PRDM16: variants seen among roughly 807,000 people sequenced by gnomAD.
The protein encoded by PRDM16 is histone-lysine N-methyltransferase PRDM16.
In PRDM16, 23 loss-of-function variants were observed where a neutral mutation model predicts 110.6. The observed-to-expected ratio is 0.21, with a 90% CI of 0.15 to 0.29. The LOEUF is 0.29. PRDM16 is among the 10% of genes least tolerant of loss of function. PRDM16 has a pLI of 1.00. For missense variants in PRDM16, 1,615 were observed against 1,794.3 expected, an observed-to-expected ratio of 0.90 and a Z score of 1.81; for synonymous variants, 799 against 781.8, an observed-to-expected ratio of 1.02 and a Z score of -0.37.
intron 3 of PRDM16, among the ~76,000 whole-genome samples, chr1:3,346,336 T>G (rs1046029099): frequency 3.9e-5 from 6 of 152,006 alleles, no homozygotes; most frequent in African/African-American, 1.2e-4. Flanking sequence ...GGGCTTCCAG[T>G]GGAGGAGCCT....
intron 12 of PRDM16, among the ~76,000 whole-genome samples, chr1:3,423,847 A>G (rs781750337): frequency 6.6e-6 from 1 of 152,256 alleles, no homozygotes; most frequent in Non-Finnish European, 1.5e-5. Flanking sequence ...TGCCATGGGC[A>G]TCATGGAGCT....
In PRDM16 at chr1:3,433,845, G is replaced by A. The variant is rs3748837; in HGVS notation, c.*34G>A. On this transcript the variant is annotated 3_prime_UTR_variant, in exon 17 of 17. Coordinates refer to ENST00000270722, the MANE Select transcript of PRDM16 (RefSeq NM_022114.4). ...GCAGCCGGGGGCCGGTGGCCAGAGC[G>A]AGGGCACCAGCCACGAAGGACGGAG... is the stretch of plus-strand genomic sequence containing the variant. The A allele has an allele frequency of 0.038, 61,402 of 1,607,052 alleles. 3,306 individuals carry two copies. Among genetic ancestry groups the A allele is most frequent in the East Asian group, 0.3 (13,243 of 44,782 alleles).
chr1:3,375,147 C>T (rs888162590), intron 3 of PRDM16, among the ~76,000 whole-genome samples: 9 of 152,180 alleles, frequency 5.9e-5, no homozygotes, highest in Non-Finnish European at 1.2e-4. Context: ...CACACTGTCA[C>T]GATGAGGATG....
At chr1:3,113,929 AT>A (rs903991328) in intron 1 of PRDM16, among the ~76,000 whole-genome samples, 1 of 152,132 alleles carries the variant, frequency 6.6e-6, no homozygotes, top group Non-Finnish European at 1.5e-5. Flanking sequence ...TTGAGGGAGA[AT>A]TTTTTTCTTT....
rs925543950 is a variant in PRDM16 at position 3,121,935 on chromosome 1, G to A, written c.37+52639G>A. On this transcript the variant is annotated intron_variant, in intron 1 of 16. Transcript: ENST00000270722. The stretch of plus-strand genomic sequence containing the variant: ...ATCTTGAAAAAGGAAAGCAAATCCC[G>A]CTCTAATCTCCCCGAACAAAGGCCT... Among the ~76,000 whole-genome samples the A allele has an allele frequency of 8.5e-5, 13 of 152,338 alleles. No homozygotes were observed. The East Asian group carries it at 2.1e-3, about 25-fold the overall frequency.
intron 1 of PRDM16, among the ~76,000 whole-genome samples, chr1:3,147,895 G>T (rs1569689454): frequency 1.3e-5 from 2 of 152,278 alleles, no homozygotes; most frequent in African/African-American, 4.8e-5. Context: ...AGAGCAGAGG[G>T]GTTCAGATGC....
intron 3 of PRDM16, among the ~76,000 whole-genome samples, chr1:3,253,307 A>T (rs565397568): frequency 1.6e-4 from 24 of 151,130 alleles, no homozygotes; most frequent in African/African-American, 5.3e-4. Flanking sequence ...GCTGTACCCA[A>T]TAACTCGTCA....
chr1:3,282,797 A>G (rs902340462), intron 3 of PRDM16, among the ~76,000 whole-genome samples: 1 of 152,126 alleles, frequency 6.6e-6, no homozygotes, highest in African/African-American at 2.4e-5. Context: ...CGAACGTGGG[A>G]CACAGGAGGC....
chr1:3,418,028 C>A (rs1223170633), intron 11 of PRDM16, 31 bp downstream of exon 11: 3 of 1,585,926 alleles, frequency 1.9e-6, no homozygotes, highest in South Asian at 2.3e-5. Flanking sequence ...GCTGGGACAG[C>A]CCTGGCGGGG....
At chr1:3,261,633 C>T (rs987248679) in intron 3 of PRDM16, among the ~76,000 whole-genome samples, 10 of 152,162 alleles carry the variant, frequency 6.6e-5, no homozygotes, top group Admixed American at 2.6e-4. Context: ...CACCAGCCCA[C>T]GCACACACCA....
At chr1:3,196,038 C>A (rs1226057901) in intron 2 of PRDM16, among the ~76,000 whole-genome samples, 4 of 152,218 alleles carry the variant, frequency 2.6e-5, no homozygotes, top group African/African-American at 7.2e-5. Flanking sequence ...GAATAGCTCC[C>A]AGCCCCCAGG....
chr1:3,408,450 AAG>A (rs1310141368), intron 8 of PRDM16, among the ~76,000 whole-genome samples: 1 of 152,240 alleles, frequency 6.6e-6, no homozygotes, highest in Non-Finnish European at 1.5e-5. Flanking sequence ...ACTTTGCAGA[AAG>A]AGCCTTTGCT....
At chr1:3,097,582 G>A (rs966834262) in intron 1 of PRDM16, among the ~76,000 whole-genome samples, 5 of 152,188 alleles carry the variant, frequency 3.3e-5, no homozygotes, top group African/African-American at 1.2e-4. Flanking sequence ...ACCTCCAAAA[G>A]CTCAGCCTCC....
In PRDM16 at chr1:3,143,108, G is replaced by T. The variant is rs181165848; in HGVS notation, c.38-43017G>T. Among the ~76,000 whole-genome samples the T allele has an allele frequency of 6.6e-6, 1 of 152,222 alleles. No homozygotes were observed. Among genetic ancestry groups the T allele is most frequent in the African/African-American group, 2.4e-5 (1 of 41,452 alleles). On this transcript the variant is annotated intron_variant, in intron 1 of 16. Coordinates refer to ENST00000270722, the MANE Select transcript of PRDM16 (RefSeq NM_022114.4). This position sits in a 1 kb window ranked among gnomAD's most constrained non-coding sequence, Gnocchi z 4.5. ...AAGCCTGAGCTCTGTCTTTTCAGTC[G>T]CCTGTCATTTAAAATGAAAGTAAGA...
intron 3 of PRDM16, among the ~76,000 whole-genome samples, chr1:3,275,035 C>T (rs1382164952): frequency 1.3e-5 from 2 of 152,216 alleles, no homozygotes; most frequent in Non-Finnish European, 2.9e-5. Flanking sequence ...GAGCATCCCC[C>T]AGCCCAGCAG....
At chr1:3,309,785 C>G (rs909776652) in intron 3 of PRDM16, 3 of 152,316 alleles carry the variant, frequency 2.0e-5, no homozygotes, top group African/African-American at 7.2e-5. Flanking sequence ...CAGAGGGCTA[C>G]AGCCACTGTC....
In PRDM16 at chr1:3,289,291, G is replaced by A. The variant is rs191324667; in HGVS notation, c.438+45154G>A. On this transcript the variant is annotated intron_variant, in intron 3 of 16. Coordinates refer to ENST00000270722, the MANE Select transcript of PRDM16 (RefSeq NM_022114.4). ...TAGGCCCCCAGAGATTCCTGGGTGC[G>A]CTGGCAGGGAGGGGGTCAGCTTGGA... Among the ~76,000 whole-genome samples the A allele has an allele frequency of 4.8e-3, 736 of 152,348 alleles. 9 individuals are homozygous for A. The highest frequency in any genetic ancestry group is 0.017 in the African/African-American group (703 of 41,582).
At chr1:3,401,701 A>G (rs1455810399) in intron 5 of PRDM16, among the ~76,000 whole-genome samples, 1 of 152,230 alleles carries the variant, frequency 6.6e-6, no homozygotes, top group East Asian at 1.9e-4. Flanking sequence ...ATGCGCACGA[A>G]CATATATGTA....
chr1:3,365,449 T>TC (rs2100567018), intron 3 of PRDM16, among the ~76,000 whole-genome samples: 1 of 152,146 alleles, frequency 6.6e-6, no homozygotes, highest in Admixed American at 6.5e-5. Context: ...ATACAAGTGC[T>TC]CCCTCCCGCC....
Sources: gnomAD v4.1 joint callset for allele counts (sites outside exome capture counted in the v4.1 genomes callset) on GRCh38, gnomAD v4.1.1 for gene constraint, Gnocchi (gnomAD v3.1) non-coding constraint, MANE v1.5 for transcripts, NCBI Gene and HGNC (gene_info 2026-07-23, HGNC 2026-07-21) for gene names.